ITPK1: variants seen among roughly 807,000 people sequenced by gnomAD.
ITPK1 encodes inositol-tetrakisphosphate 1-kinase, also known as inositol 1,3,4-trisphosphate 5/6-kinase.
ITPK1 carries 21 observed loss-of-function variants against 45.3 expected under a neutral mutation model. The ratio of observed to expected loss-of-function variants is 0.46; its 90% CI spans 0.33 to 0.67. The LOEUF is 0.67. Among genes scored for constraint, ITPK1 ranks in the 30% least tolerant of loss-of-function variants. The pLI is 0.02. For synonymous variants in ITPK1, 258 were observed against 253.6 expected, an observed-to-expected ratio of 1.02 and a Z score of -0.16; for missense variants, 474 against 573.5, an observed-to-expected ratio of 0.83 and a Z score of 1.77.
intron 4 of ITPK1, among the ~76,000 whole-genome samples, chr14:92,995,061 C>G (rs1886980992): frequency 1.3e-5 from 2 of 152,200 alleles, no homozygotes; most frequent in Non-Finnish European, 2.9e-5. Context: ...GTGCCCACCA[C>G]CACCACCACT....
chr14:93,106,576 T>C (rs1281825489), intron 2 of ITPK1, among the ~76,000 whole-genome samples: 2 of 152,196 alleles, frequency 1.3e-5, no homozygotes, highest in South Asian at 2.1e-4. Flanking sequence ...GTCGCCTCCT[T>C]AGAGAGGCCT....
intron 9 of ITPK1, among the ~76,000 whole-genome samples, chr14:92,946,849 C>T (rs1277673955): frequency 6.6e-6 from 1 of 152,254 alleles, no homozygotes; most frequent in Non-Finnish European, 1.5e-5. Context: ...ATTTTTTAGC[C>T]TCTAAAACCA....
intron 3 of ITPK1, among the ~76,000 whole-genome samples, chr14:93,053,334 C>A (rs10138609): frequency 0.61 from 93,098 of 151,730 alleles, 29,282 homozygotes; most frequent in African/African-American, 0.77. Context: ...GTGCACACTC[C>A]AGTTTGAGAA....
At chr14:93,024,647 T>C (rs576811634) in intron 3 of ITPK1, among the ~76,000 whole-genome samples, 1 of 152,334 alleles carries the variant, frequency 6.6e-6, no homozygotes, top group Non-Finnish European at 1.5e-5. Context: ...GACCCTTATA[T>C]TCCAGGTGCT....
At chr14:92,966,994 A>T (rs1885404913) in intron 5 of ITPK1, among the ~76,000 whole-genome samples, 1 of 152,272 alleles carries the variant, frequency 6.6e-6, no homozygotes, top group African/African-American at 2.4e-5. Flanking sequence ...AAACTTTAAA[A>T]GAAAACATAG....
chr14:93,096,079 G>C (rs1488936108), intron 2 of ITPK1, among the ~76,000 whole-genome samples: 1 of 152,054 alleles, frequency 6.6e-6, no homozygotes, highest in Non-Finnish European at 1.5e-5. Flanking sequence ...GCTTCCTCAC[G>C]GCCCTGTCCT....
chr14:92,963,714 C>T (rs1216046333), intron 5 of ITPK1, among the ~76,000 whole-genome samples: 2 of 152,252 alleles, frequency 1.3e-5, no homozygotes, highest in African/African-American at 4.8e-5. Flanking sequence ...CATCCTGACT[C>T]GTGCCTGGCA....
At position 93,052,686 on chromosome 14, in the gene ITPK1, T is replaced by A. The variant is rs540263774; in HGVS notation, c.120+23909A>T. ...CTTCTGGCTCACTCTATATTCAATA[T>A]AATACCTGCCCGCACCACCACCCTC... On this transcript the variant is annotated intron_variant, in intron 3 of 10. Transcript: ENST00000267615. Among the ~76,000 whole-genome samples, 137 of 152,202 alleles carry A rather than the reference T, an allele frequency of 9.0e-4. 1 individual carries two copies. The highest frequency in any genetic ancestry group is 3.1e-3 in the African/African-American group (128 of 41,524).
chr14:92,997,422 C>CT (rs1439977480), intron 4 of ITPK1, among the ~76,000 whole-genome samples: 1 of 152,194 alleles, frequency 6.6e-6, no homozygotes, highest in Non-Finnish European at 1.5e-5. Context: ...TAGCTTTTGA[C>CT]TGGGGATGAA....
intron 9 of ITPK1, among the ~76,000 whole-genome samples, chr14:92,951,427 C>T (rs949073010): frequency 6.6e-6 from 1 of 152,160 alleles, no homozygotes; most frequent in Admixed American, 6.5e-5. Flanking sequence ...TGATTGCGAC[C>T]CGCACTGCAG....
chr14:93,067,226 G>A (rs1182288506), intron 3 of ITPK1, among the ~76,000 whole-genome samples: 1 of 152,084 alleles, frequency 6.6e-6, no homozygotes, highest in Non-Finnish European at 1.5e-5. Flanking sequence ...CTGAGGCCAC[G>A]GAATTCTTGA....
At chr14:93,084,394 T>C (rs1329806625) in intron 2 of ITPK1, among the ~76,000 whole-genome samples, 2 of 152,204 alleles carry the variant, frequency 1.3e-5, no homozygotes, top group Non-Finnish European at 2.9e-5. Context: ...AGGGCCCCTG[T>C]AATGCAGAGG....
At chr14:93,010,872 C>A (rs1887861119) in intron 4 of ITPK1, among the ~76,000 whole-genome samples, 1 of 152,008 alleles carries the variant, frequency 6.6e-6, no homozygotes, top group South Asian at 2.1e-4. Flanking sequence ...TCACACCATG[C>A]CAGGCATTCA....
intron 7 of ITPK1, among the ~76,000 whole-genome samples, chr14:92,961,330 C>G (rs373726575): frequency 7.9e-5 from 12 of 152,346 alleles, no homozygotes; most frequent in African/African-American, 2.9e-4. Flanking sequence ...CTCCTCTAGC[C>G]CCTGGAGTCC....
intron 3 of ITPK1, chr14:93,067,413 T>G (rs888998412): frequency 6.6e-6 from 1 of 150,442 alleles, no homozygotes; most frequent in Non-Finnish European, 1.5e-5. Flanking sequence ...ACATGGGATG[T>G]GGGAACTTTT....
chr14:93,081,851 T>C (rs1243840313), intron 2 of ITPK1, among the ~76,000 whole-genome samples: 1 of 152,178 alleles, frequency 6.6e-6, no homozygotes, highest in African/African-American at 2.4e-5. Flanking sequence ...TGTCACCCTG[T>C]GGCCCAGCCT....
rs1228471539 is a variant in ITPK1 at position 92,951,928 on chromosome 14, C to T, written c.738+18G>A. On this transcript the variant is annotated intron_variant, in intron 9 of 10. Transcript: ENST00000267615. ...GGAGGGCAGTTTCAGGCCAGGCCAT[C>T]CCAGCAGAGGGACCCACCTCCGTCA... is the stretch of plus-strand genomic sequence containing the variant. 3.2e-6 allele frequency: 5 copies of T among 1,565,592 alleles called. No individual in the cohort carries two copies. In the Admixed American group the frequency reaches 9.5e-5, roughly 30 times the overall value.
intron 4 of ITPK1, among the ~76,000 whole-genome samples, chr14:92,999,534 A>T (rs943148055): frequency 1.3e-5 from 2 of 152,190 alleles, no homozygotes; most frequent in Admixed American, 6.5e-5. Flanking sequence ...GTGGGTGGGG[A>T]GGCTGGAAGG....
chr14:93,090,159 G>A (rs1891809785), intron 2 of ITPK1, among the ~76,000 whole-genome samples: 1 of 151,732 alleles, frequency 6.6e-6, no homozygotes, highest in Non-Finnish European at 1.5e-5. Context: ...TCTGCAGCAG[G>A]TGCACACCTC....
Sources: gnomAD v4.1 joint callset for allele counts (sites outside exome capture counted in the v4.1 genomes callset) on GRCh38, gnomAD v4.1.1 for gene constraint, MANE v1.5 for transcripts, NCBI Gene and HGNC (gene_info 2026-07-23, HGNC 2026-07-21) for gene names.